Variants in CHRM3 observed in about 807,000 individuals in gnomAD.
The protein encoded by CHRM3 is muscarinic acetylcholine receptor M3.
In CHRM3, 11 loss-of-function variants were observed where a neutral mutation model predicts 41.8. The ratio of observed to expected loss-of-function variants is 0.26; its 90% CI spans 0.17 to 0.44. The LOEUF (loss-of-function observed/expected upper bound fraction) is 0.44. Among genes scored for constraint, CHRM3 ranks in the 20% least tolerant of loss-of-function variants. The pLI is 1.00. For missense variants in CHRM3, 571 were observed against 745.4 expected (o/e 0.77, Z 2.72); for synonymous variants, 297 against 301.4 (o/e 0.99, Z 0.15).
intron 5 of CHRM3, among the ~76,000 whole-genome samples, chr1:239,731,052 G>A (rs1289329992): frequency 6.6e-6 from 1 of 151,928 alleles, no homozygotes; most frequent in African/African-American, 2.4e-5. Flanking sequence ...TTACTTAGGT[G>A]GTTGGAAGAT....
chr1:239,716,441 T>C (rs1359738677), intron 5 of CHRM3, among the ~76,000 whole-genome samples: 1 of 152,002 alleles, frequency 6.6e-6, no homozygotes, highest in Non-Finnish European at 1.5e-5. Context: ...AAGCAGGTGC[T>C]GGTTGATAAT....
intron 1 of CHRM3, among the ~76,000 whole-genome samples, chr1:239,489,370 G>A (rs1371171639): frequency 4.0e-5 from 6 of 151,830 alleles, no homozygotes; most frequent in East Asian, 3.9e-4. Context: ...CTGAGATCGC[G>A]CCATTGCACT....
chr1:239,605,699 G>A (rs1191552383), intron 3 of CHRM3, among the ~76,000 whole-genome samples: 1 of 152,006 alleles, frequency 6.6e-6, no homozygotes, highest in East Asian at 1.9e-4. Flanking sequence ...TTTAAAGTTG[G>A]AATTTTGAGC....
At chr1:239,566,421 T>A (rs1260339581) in intron 3 of CHRM3, among the ~76,000 whole-genome samples, 1 of 152,216 alleles carries the variant, frequency 6.6e-6, no homozygotes, top group African/African-American at 2.4e-5. Context: ...AAAGGCATAT[T>A]AGTTCCTTAA....
At chr1:239,499,835 T>A (rs1055617718) in intron 2 of CHRM3, among the ~76,000 whole-genome samples, 7 of 152,150 alleles carry the variant, frequency 4.6e-5, no homozygotes, top group African/African-American at 1.7e-4. Context: ...ATCTTCAGCC[T>A]CCTCAAACAA....
chr1:239,618,371 C>G (rs1464637262), intron 3 of CHRM3, among the ~76,000 whole-genome samples: 1 of 145,916 alleles, frequency 6.9e-6, no homozygotes, highest in Non-Finnish European at 1.5e-5. Flanking sequence ...GAGGCTGATG[C>G]AGCTTCAGTC....
intron 2 of CHRM3, among the ~76,000 whole-genome samples, chr1:239,494,809 G>C (rs1667777238): frequency 6.6e-6 from 1 of 152,090 alleles, no homozygotes; most frequent in East Asian, 1.9e-4. Context: ...TTGGTTTTCT[G>C]TTCCTGCATT....
chr1:239,860,225 C>T (rs975330160), intron 6 of CHRM3, among the ~76,000 whole-genome samples: 7 of 152,114 alleles, frequency 4.6e-5, no homozygotes, highest in African/African-American at 1.4e-4. Context: ...AGGCAATTCA[C>T]TTAATTACAT....
chr1:239,859,277 A>G (rs1572510080), intron 6 of CHRM3, among the ~76,000 whole-genome samples: 1 of 151,652 alleles, frequency 6.6e-6, no homozygotes, highest in Non-Finnish European at 1.5e-5. Context: ...GTTTGTTTCT[A>G]TTTGGTTTTT....
intron 5 of CHRM3, among the ~76,000 whole-genome samples, chr1:239,733,479 A>G (rs1395784553): frequency 1.3e-5 from 2 of 152,098 alleles, no homozygotes; most frequent in Non-Finnish European, 2.9e-5. Flanking sequence ...TCTAGTAAGC[A>G]TCTGAGAAAT....
chr1:239,722,232 A>G (rs1226785281), intron 5 of CHRM3, among the ~76,000 whole-genome samples: 2 of 151,854 alleles, frequency 1.3e-5, no homozygotes, highest in African/African-American at 4.8e-5. Flanking sequence ...ACTGAAACCA[A>G]TTTTCACTCT....
chr1:239,397,742 T>C (rs1354208554), intron 1 of CHRM3, among the ~76,000 whole-genome samples: 2 of 147,370 alleles, frequency 1.4e-5, no homozygotes, highest in Non-Finnish European at 3.0e-5. Context: ...TCTATAAAAA[T>C]ATATCTATAT....
chr1:239,684,237 G>T (rs1658852137), intron 5 of CHRM3, among the ~76,000 whole-genome samples: 1 of 152,058 alleles, frequency 6.6e-6, no homozygotes, highest in African/African-American at 2.4e-5. Context: ...CACTGCTATG[G>T]CCCAGTCCCT....
At chr1:239,533,950 G>A (rs1657941078) in intron 2 of CHRM3, among the ~76,000 whole-genome samples, 2 of 152,076 alleles carry the variant, frequency 1.3e-5, no homozygotes, top group African/African-American at 4.8e-5. Context: ...CTGCCCTGTT[G>A]ATTCTGAGGC....
chr1:239,710,213 A>T (rs1661630250), intron 5 of CHRM3, among the ~76,000 whole-genome samples: 1 of 152,144 alleles, frequency 6.6e-6, no homozygotes, highest in East Asian at 1.9e-4. Flanking sequence ...TATCCATATT[A>T]TTGAATATAT....
chr1:239,684,849 C>T (rs541448243), intron 5 of CHRM3, among the ~76,000 whole-genome samples: 11 of 151,788 alleles, frequency 7.2e-5, no homozygotes, highest in African/African-American at 2.4e-4. Context: ...TTTTCTGGGA[C>T]AGTGGATGGA....
chr1:239,514,741 A>C (rs373767940), intron 2 of CHRM3, among the ~76,000 whole-genome samples: 2 of 152,194 alleles, frequency 1.3e-5, no homozygotes, highest in East Asian at 3.9e-4. Context: ...TTTCAAGTTT[A>C]CTGGGTTTGT....
intron 1 of CHRM3, among the ~76,000 whole-genome samples, chr1:239,398,853 T>C (rs1659718874): frequency 6.6e-6 from 1 of 152,176 alleles, no homozygotes; most frequent in Non-Finnish European, 1.5e-5. Context: ...AGTTTTAATA[T>C]AAGCATTCTC....
intron 3 of CHRM3, among the ~76,000 whole-genome samples, chr1:239,583,314 T>C (rs1663080454): frequency 6.6e-6 from 1 of 152,192 alleles, no homozygotes; most frequent in Non-Finnish European, 1.5e-5. Context: ...GTGGAAATGG[T>C]CAAATATATC....
Sources: gnomAD v4.1 joint callset for allele counts (sites outside exome capture counted in the v4.1 genomes callset) on GRCh38, gnomAD v4.1.1 for gene constraint, MANE v1.5 for transcripts, NCBI Gene and HGNC (gene_info 2026-07-23, HGNC 2026-07-21) for gene names.